Variants in WDR90 observed in about 807,000 individuals in gnomAD.
WDR90 encodes WD repeat domain 90.
Under a neutral mutation model 195.2 loss-of-function variants are expected in WDR90, and 238 were observed. The ratio of observed to expected loss-of-function variants is 1.22; its 90% CI spans 1.10 to 1.36. The LOEUF is 1.36. Among genes scored for constraint, WDR90 ranks in the 40% most tolerant of loss-of-function variants. The pLI, the probability that WDR90 is intolerant of heterozygous loss-of-function variation, is 0.00. For synonymous variants in WDR90, 1,265 were observed against 1,052.4 expected (o/e 1.20, Z -3.91); for missense variants, 2,734 against 2,439.5 (o/e 1.12, Z -2.54).
chr16:651,208 T>G lies in WDR90; in HGVS notation c.678T>G (p.Ser226Arg), dbSNP rs1209260846. Residue 226 changes from serine (S) to arginine (R), a missense_variant, in exon 7 of 41, where the codon AGT becomes AGG. Coordinates refer to ENST00000293879, the MANE Select transcript of WDR90 (RefSeq NM_145294.5). ...HDRYIHVRFPSESLKVPSKPI... is the reference protein window; with the variant it reads ...HDRYIHVRFPRESLKVPSKPI... Reference sequence around the variant, plus strand: ...CCCTCTGCCTGCCAAGGTTTCCAAGTGAGAGCTTGAAAGTGCCTTCCAAGC... The same window carrying G: ...CCCTCTGCCTGCCAAGGTTTCCAAGGGAGAGCTTGAAAGTGCCTTCCAAGC... The G allele has an allele frequency of 6.2e-7, 1 of 1,612,868 alleles. No homozygotes were observed. Among genetic ancestry groups the G allele is most frequent in the Non-Finnish European group, 8.5e-7 (1 of 1,179,960 alleles).
chr16:655,765 GC>G lies in WDR90; in HGVS notation c.1850-3del. ...GACACCGAGGCACTGACGCCTCCCT[GC>G]CCCCAGGCCCCGGCATTGCCATCAG... On this transcript the variant is annotated splice_region_variant and splice_polypyrimidine_tract_variant and intron_variant, in intron 16 of 40. Transcript: ENST00000293879. 6.3e-7 allele frequency: 1 copy of G among 1,582,676 alleles called. No homozygotes were observed. The highest frequency in any genetic ancestry group is 8.6e-7 in the Non-Finnish European group (1 of 1,164,266).
rs2037910084 is a variant in WDR90 at position 661,388 on chromosome 16, A to C, written c.3560A>C (p.Gln1187Pro). Reference protein sequence around the residue: ...SGRSSTTAHCQIRVWDVSGGL... With the variant: ...SGRSSTTAHCPIRVWDVSGGL... ...CGAAGCAGCACGACCGCCCATTGTC[A>C]GATCCGCGTCTGGGACGTGTCTGGC... The change falls in exon 30 of 41, where the codon CAG becomes CCG. Residue 1187 changes from glutamine to proline, a missense_variant. Physicochemically the swap from Gln to Pro is moderately conservative, Grantham distance 76. Coordinates refer to ENST00000293879, the MANE Select transcript of WDR90 (RefSeq NM_145294.5). 6.2e-7 allele frequency: 1 copy of C among 1,611,140 alleles called. No individual in the cohort carries two copies. The highest frequency in any genetic ancestry group is 8.5e-7 in the Non-Finnish European group (1 of 1,179,826).
intron 34 of WDR90, 191 bp downstream of exon 34, chr16:663,035 C>A: frequency 1.2e-6 from 1 of 841,384 alleles, no homozygotes; most frequent in Non-Finnish European, 1.9e-6. Context: ...GTTGTGTCTG[C>A]ACAAGCGAGC....
rs773106942 is a variant in WDR90 at position 657,776 on chromosome 16, C to T, written c.2488C>T (p.Pro830Ser). 22 of 1,549,184 alleles carry T rather than the reference C, an allele frequency of 1.4e-5. No homozygotes were observed. The Admixed American group carries it at 2.4e-4, about 17-fold the overall frequency. Residue 830 changes from proline (P) to serine (S), a missense_variant, in exon 21 of 41, where the codon CCG (proline) becomes TCG (serine). By Grantham distance (74) the Pro-to-Ser change is moderately conservative. Transcript: ENST00000293879. ...TGTGGCCACAGCGGACATGGTATGCCCGGATGCCCCCGCGAGCCCCAGCGC... is the reference window on the plus strand; with the variant it reads ...TGTGGCCACAGCGGACATGGTATGCTCGGATGCCCCCGCGAGCCCCAGCGC... ...VLRVAADMVCPDAPASPSALA... is the reference protein window; with the variant it reads ...VLRVAADMVCSDAPASPSALA...
chr16:649,335 A>C, upstream of WDR90: 1 of 1,307,944 alleles, frequency 7.6e-7, no homozygotes, highest in Non-Finnish European at 9.7e-7. Flanking sequence ...CACCGTTGCC[A>C]GGCAGCCGTT....
In WDR90 at chr16:653,591, G is replaced by A; in HGVS notation, c.1300G>A (p.Val434Met). The change falls in exon 12 of 41, where the codon GTG becomes ATG. Residue 434 changes from valine (V) to methionine (M), a missense_variant. Physicochemically the swap from Val to Met is conservative, Grantham distance 21. Transcript: ENST00000293879. Reference protein sequence around the residue: ...LASAQARAPSVMRLWDFQTGR... With the variant: ...LASAQARAPSMMRLWDFQTGR... ...CTCGGCCCAGGCAAGGGCCCCTAGT[G>A]TGATGCGGCTCTGGGACTTCCAGAC... 1 of 1,613,572 alleles carries A rather than the reference G, an allele frequency of 6.2e-7. No individual in the cohort carries two copies. Among genetic ancestry groups the A allele is most frequent in the Non-Finnish European group, 8.5e-7 (1 of 1,180,010 alleles).
At chr16:651,779 T>G in intron 8 of WDR90, 32 bp downstream of exon 8, 3 of 1,612,506 alleles carry the variant, frequency 1.9e-6, no homozygotes, top group Non-Finnish European at 2.5e-6. Context: ...TGAGATGGGG[T>G]TGGGGTGTGA....
At chr16:659,148 G>A (rs777832585) in intron 25 of WDR90, 22 bp downstream of exon 25, 2 of 1,610,926 alleles carry the variant, frequency 1.2e-6, no homozygotes, top group Non-Finnish European at 1.7e-6. Context: ...TGCTCAGCTG[G>A]GGTGCAGGTG....
In WDR90 at chr16:662,780, C is replaced by A. The variant is rs576866547; in HGVS notation, c.4247C>A (p.Thr1416Lys). The A allele has an allele frequency of 1.2e-6, 2 of 1,607,508 alleles. No individual in the cohort carries two copies. Among genetic ancestry groups the A allele is most frequent in the Admixed American group, 1.7e-5 (1 of 59,670 alleles). ...GGCGTCGTGGGCACCACGGCGGGCA[C>A]GCTGTGGTTTGTCAGCTGGGCCGAG... Reference protein sequence around the residue: ...DMGVVGTTAGTLWFVSWAEGT... With the variant: ...DMGVVGTTAGKLWFVSWAEGT... The change falls in exon 34 of 41, where the codon ACG becomes AAG. Residue 1416 changes from threonine (T) to lysine (K), a missense_variant. Transcript: ENST00000293879.
chr16:658,360 GTGGCCCGCCGACC>G lies in WDR90; in HGVS notation c.2766+23_2766+35del. On this transcript the variant is annotated intron_variant, in intron 22 of 40. Coordinates refer to ENST00000293879, the MANE Select transcript of WDR90 (RefSeq NM_145294.5). ...CATCCGGGAGGTGAGCCTCAGGGCT[GTGGCCCGCCGACC>G]TGGCCCTCCCTGTGCTGTCCAGGCC... The G allele has an allele frequency of 6.2e-7, 1 of 1,610,074 alleles. No individual in the cohort carries two copies. Among genetic ancestry groups the G allele is most frequent in the Non-Finnish European group, 8.5e-7 (1 of 1,178,348 alleles).
intron 20 of WDR90, 185 bp downstream of exon 20, chr16:657,406 C>A: frequency 9.8e-7 from 1 of 1,019,370 alleles, no homozygotes; most frequent in Non-Finnish European, 1.4e-6. Flanking sequence ...GTTCACTGGA[C>A]CCCAAGGCCA....
At chr16:654,017 T>A in intron 13 of WDR90, 1 of 620,202 alleles carries the variant, frequency 1.6e-6, no homozygotes, top group Non-Finnish European at 2.8e-6. Context: ...ACGTCTCGGC[T>A]TTTCGGCCAT....
chr16:651,572 C>T, intron 7 of WDR90, 72 bp from the exon 8 acceptor site: 2 of 1,479,758 alleles, frequency 1.4e-6, no homozygotes, highest in Non-Finnish European at 9.3e-7. Context: ...TGCTGCCCTC[C>T]CCAGGCGTCA....
At chr16:657,681 G>T in intron 20 of WDR90, 81 bp from the exon 21 acceptor site, 2 of 1,434,978 alleles carry the variant, frequency 1.4e-6, no homozygotes, top group South Asian at 1.5e-5. Flanking sequence ...AGTGGGGGCA[G>T]GGGCGGCGGC....
chr16:656,808 G>T lies in WDR90; in HGVS notation c.2279G>T (p.Gly760Val). The T allele has an allele frequency of 2.5e-6, 4 of 1,613,170 alleles. No homozygotes were observed. The highest frequency in any genetic ancestry group is 3.4e-6 in the Non-Finnish European group (4 of 1,179,980). Residue 760 changes from glycine (G) to valine (V), a missense_variant, in exon 19 of 41, where the codon GGC becomes GTC. Physicochemically the swap from Gly to Val is moderately radical, Grantham distance 109. Coordinates refer to ENST00000293879, the MANE Select transcript of WDR90 (RefSeq NM_145294.5). Reference sequence around the variant, plus strand: ...CCCACAAGGCCAACCTTTTTCTGTGGCTTTAGCAGTGGGGCCGTGCGCTCC... The same window carrying T: ...CCCACAAGGCCAACCTTTTTCTGTGTCTTTAGCAGTGGGGCCGTGCGCTCC... ...FHPTRPTFFCGFSSGAVRSFS... is the reference protein window; with the variant it reads ...FHPTRPTFFCVFSSGAVRSFS...
rs754142955 is a variant in WDR90 at position 653,517 on chromosome 16, C to T, written c.1234-8C>T. ...CCCTACACCCTCCCTCACCCTTCTGCCTCCTAGGTCTCCGCCCTGGCGCTG... is the reference window on the plus strand; with the variant it reads ...CCCTACACCCTCCCTCACCCTTCTGTCTCCTAGGTCTCCGCCCTGGCGCTG... On this transcript the variant is annotated splice_polypyrimidine_tract_variant and splice_region_variant and intron_variant, in intron 11 of 40. Transcript: ENST00000293879. 6.2e-6 allele frequency: 10 copies of T among 1,612,820 alleles called. No individual in the cohort carries two copies. Among genetic ancestry groups the T allele is most frequent in the African/African-American group, 1.3e-5 (1 of 74,934 alleles).
chr16:656,433 A>G lies in WDR90; in HGVS notation c.2098A>G (p.Thr700Ala). 1.2e-6 allele frequency: 2 copies of G among 1,602,126 alleles called. No individual in the cohort carries two copies. The highest frequency in any genetic ancestry group is 1.7e-6 in the Non-Finnish European group (2 of 1,177,278). Reference protein sequence around the residue: ...RVYHMLARSHTAPVLALAMEQ... With the variant: ...RVYHMLARSHAAPVLALAMEQ... ...GTACCACATGCTGGCTCGCTCCCAC[A>G]CCGCCCCGGTGTTGGCCCTCGCCAT... The change falls in exon 18 of 41, where the codon ACC becomes GCC. Residue 700 changes from threonine (T) to alanine (A), a missense_variant. Coordinates refer to ENST00000293879, the MANE Select transcript of WDR90 (RefSeq NM_145294.5).
chr16:656,478 CT>C lies in WDR90; in HGVS notation c.2144del (p.Leu715ArgfsTer76). 6.3e-7 allele frequency: 1 copy of C among 1,583,652 alleles called. No homozygotes were observed. Among genetic ancestry groups the C allele is most frequent in the Non-Finnish European group, 8.6e-7 (1 of 1,167,900 alleles). On this transcript the variant is annotated frameshift_variant, in exon 18 of 41. Coordinates refer to ENST00000293879, the MANE Select transcript of WDR90 (RefSeq NM_145294.5). LOFTEE classifies it high-confidence loss of function. ...CGCCATGGAGCAGAGGCGGGGACAGCTGGCCACCGTGTCCCAGGACCGTACC... is the reference window on the plus strand; with the variant it reads ...CGCCATGGAGCAGAGGCGGGGACAGCGGCCACCGTGTCCCAGGACCGTACC... ...ALAMEQRRGQ[L>X]ATVSQDRTVR... is the part of the protein sequence containing the mutation.
At position 662,056 on chromosome 16, in the gene WDR90, A is replaced by G; in HGVS notation, c.4030A>G (p.Ile1344Val). The change falls in exon 32 of 41, where the codon ATT becomes GTT. Residue 1344 changes from isoleucine (I) to valine (V), a missense_variant. Ile to Val is a conservative substitution (Grantham distance 29, BLOSUM62 3). Transcript: ENST00000293879. Reference sequence around the variant, plus strand: ...GTCCTGGGAGGCGGATGACGGTGGCATTGGTGAGTGCCCCGCAGAAGCCCT... The same window carrying G: ...GTCCTGGGAGGCGGATGACGGTGGCGTTGGTGAGTGCCCCGCAGAAGCCCT... Reference protein sequence around the residue: ...FLSWEADDGGIGLLLFSGSRL... With the variant: ...FLSWEADDGGVGLLLFSGSRL... The G allele has an allele frequency of 6.2e-7, 1 of 1,600,822 alleles. No homozygotes were observed. The highest frequency in any genetic ancestry group is 2.2e-5 in the East Asian group (1 of 44,876).
Sources: gnomAD v4.1 joint callset for allele counts on GRCh38, gnomAD v4.1.1 for gene constraint, MANE v1.5 for transcripts, NCBI Gene and HGNC (gene_info 2026-07-23, HGNC 2026-07-21) for gene names.